The following GZMK variants were observed in gnomAD, a reference collection of about 807,000 sequenced individuals.
GZMK encodes granzyme K.
GZMK carries 18 observed loss-of-function variants against 22.8 expected under a neutral mutation model. That is an observed-to-expected ratio of 0.79 (90% CI 0.54 to 1.17). GZMK has a LOEUF of 1.17. Ranked by LOEUF, GZMK falls within the 50% of genes most tolerant of loss-of-function variation. GZMK has a pLI of 0.00. For missense variants in GZMK, 342 were observed against 320.2 expected (o/e 1.07, Z -0.52); for synonymous variants, 136 against 115.0 (o/e 1.18, Z -1.17).
intron 2 of GZMK, 111 bp from the exon 3 acceptor site, chr5:55,030,323 C>G: frequency 1.0e-6 from 1 of 958,092 alleles, no homozygotes; most frequent in East Asian, 2.4e-5. Flanking sequence ...GGCAGGTTAC[C>G]TTGGAGATAG....
rs1210430721 is a variant in GZMK at position 55,030,527 on chromosome 5, T to C, written c.306T>C (p.Phe102=). 1 of 1,612,380 alleles carries C rather than the reference T, an allele frequency of 6.2e-7. No individual in the cohort carries two copies. Among genetic ancestry groups the C allele is most frequent in the Non-Finnish European group, 8.5e-7 (1 of 1,178,350 alleles). Residue 102 remains phenylalanine, a synonymous_variant, in exon 3 of 5, where the codon TTT becomes TTC. Coordinates refer to ENST00000231009, the MANE Select transcript of GZMK (RefSeq NM_002104.3). ...AACAAACACTGGAGATCAAAAAATT[T>C]ATACCATTCTCAAGAGTTACATCAG... ...ASKQTLEIKK[F]IPFSRVTSDP...
rs1741219175 is a variant in GZMK, at chr5:55,030,911, C to T, written c.363+327C>T. Among the ~76,000 whole-genome samples the T allele has an allele frequency of 2.0e-5, 3 of 152,160 alleles. No individual in the cohort carries two copies. The South Asian group carries it at 6.2e-4, about 32-fold the overall frequency. On this transcript the variant is annotated intron_variant, in intron 3 of 4. Transcript: ENST00000231009. The stretch of plus-strand genomic sequence containing the variant: ...TTTCTCATTAGCAAGTAAAAAAATA[C>T]AACAGTTGTTTATACAACAGAGCCA...
chr5:55,027,491 G>C (rs912923720), intron 2 of GZMK: 1 of 152,510 alleles, frequency 6.6e-6, no homozygotes, highest in Non-Finnish European at 1.5e-5. Context: ...AAGGGGGTTG[G>C]CACGGGGTTC....
chr5:55,033,635 A>G lies in GZMK; in HGVS notation c.634-130A>G, dbSNP rs755612851. ...TATAACGAGTAAGAGGCAGTGTCAG[A>G]CACTCTTCTGGACATAAAGAAAGCA... On this transcript the variant is annotated intron_variant, in intron 4 of 4. Transcript: ENST00000231009. The G allele has an allele frequency of 1.3e-5, 8 of 638,334 alleles. No homozygotes were observed. In the East Asian group the frequency reaches 2.0e-4, roughly 16 times the overall value. The allele number at this position is 638,334 out of a possible 1,614,324, so 39.5% of individuals were successfully genotyped here.
At chr5:55,028,215 T>C (rs1234024866) in intron 2 of GZMK, 1 of 152,230 alleles carries the variant, frequency 6.6e-6, no homozygotes, top group Non-Finnish European at 1.5e-5. Context: ...CTCTCATTTG[T>C]ACCTCATAGC....
intron 2 of GZMK, among the ~76,000 whole-genome samples, chr5:55,026,113 A>G (rs1328255124): frequency 6.6e-6 from 1 of 152,236 alleles, no homozygotes; most frequent in African/African-American, 2.4e-5. Context: ...TACACATTCA[A>G]ATGGTCTATA....
intron 2 of GZMK, chr5:55,028,350 A>T (rs922296477): frequency 6.6e-6 from 1 of 152,208 alleles, no homozygotes; most frequent in Non-Finnish European, 1.5e-5. Context: ...TTTGAATTCA[A>T]ATCAATCCTA....
Position 55,033,798 on chromosome 5 carries a change from G to T in GZMK, c.667G>T (p.Val223Phe). The change falls in exon 5 of 5, where the codon GTC becomes TTC. Residue 223 changes from valine to phenylalanine, a missense_variant. Val to Phe is a conservative substitution (Grantham distance 50, BLOSUM62 -1). Transcript: ENST00000231009. The part of the protein sequence containing the change: ...DSGGPLICKG[V>F]FHAIVSGGHE... The stretch of plus-strand genomic sequence containing the variant: ...AGGGGGCCCCTTGATCTGTAAAGGT[G>T]TCTTCCACGCTATAGTCTCTGGAGG... The T allele has an allele frequency of 6.2e-7, 1 of 1,613,364 alleles. No individual in the cohort carries two copies.
intron 3 of GZMK, 28 bp downstream of exon 3, chr5:55,030,612 T>C: frequency 1.3e-6 from 2 of 1,581,512 alleles, no homozygotes; most frequent in Non-Finnish European, 1.7e-6. Context: ...CTTCCTTCTA[T>C]TTTGTCAACA....
At chr5:55,025,343 C>T (rs771467876) in intron 2 of GZMK, among the ~76,000 whole-genome samples, 1 of 152,126 alleles carries the variant, frequency 6.6e-6, no homozygotes, top group African/African-American at 2.4e-5. Flanking sequence ...ACAGTAGCTA[C>T]CTAACAGTAG....
At chr5:55,031,744 A>G (rs1741238646) in intron 4 of GZMK, 111 bp downstream of exon 4, 2 of 760,184 alleles carry the variant, frequency 2.6e-6, no homozygotes, top group Admixed American at 2.6e-5. Flanking sequence ...CAAAACCACA[A>G]TTCTAAACAC....
intron 2 of GZMK, among the ~76,000 whole-genome samples, chr5:55,027,333 G>A (rs746924233): frequency 1.2e-4 from 19 of 152,292 alleles, no homozygotes; most frequent in Non-Finnish European, 1.2e-4. Flanking sequence ...CTCCCTCTCT[G>A]ACAGCCAAGT....
Position 55,034,122 on chromosome 5 carries a change from T to G in GZMK, c.*196T>G. The G allele has an allele frequency of 1.9e-6, 1 of 518,970 alleles. No individual in the cohort carries two copies. Among genetic ancestry groups the G allele is most frequent in the South Asian group, 3.0e-5 (1 of 33,536 alleles). 32.1% of individuals were successfully genotyped at this position (518,970 alleles called of 1,614,324 possible). ...ATGCTGGTTTTATTCTAAATAAAAT[T>G]TAGAAGACTCTCTGTTTGTCTTTTA... is the stretch of plus-strand genomic sequence containing the variant. On this transcript the variant is annotated 3_prime_UTR_variant, in exon 5 of 5. Coordinates refer to ENST00000231009, the MANE Select transcript of GZMK (RefSeq NM_002104.3).
At chr5:55,029,249 T>G (rs187220612) in intron 2 of GZMK, among the ~76,000 whole-genome samples, 445 of 151,676 alleles carry the variant, frequency 2.9e-3, no homozygotes, top group Middle Eastern at 0.017. Context: ...AAAAAAACGT[T>G]AAAAAAGAAA....
In GZMK at chr5:55,024,656, G is replaced by T; in HGVS notation, c.65-4G>T. 1.9e-6 allele frequency: 3 copies of T among 1,597,660 alleles called. No individual in the cohort carries two copies. The highest frequency in any genetic ancestry group is 2.6e-6 in the Non-Finnish European group (3 of 1,167,264). ...GTGTGAAACCTTTTGGTCTACTTTTGTAGGTTTCAATATGGAAATTATTGG... is the reference window on the plus strand; with the variant it reads ...GTGTGAAACCTTTTGGTCTACTTTTTTAGGTTTCAATATGGAAATTATTGG... On this transcript the variant is annotated splice_region_variant and splice_polypyrimidine_tract_variant and intron_variant, in intron 1 of 4. Transcript: ENST00000231009.
At chr5:55,028,690 T>C (rs1012482224) in intron 2 of GZMK, 8 of 152,220 alleles carry the variant, frequency 5.3e-5, no homozygotes, top group Admixed American at 5.2e-4. Flanking sequence ...CTTTTCCAAG[T>C]AGCAAAGAAA....
intron 2 of GZMK, 126 bp downstream of exon 2, chr5:55,024,933 T>A (rs1057147677): frequency 1.8e-5 from 10 of 568,868 alleles, no homozygotes; most frequent in African/African-American, 7.5e-5. Context: ...GACCAACTGG[T>A]GGCGTTTATT....
intron 4 of GZMK, chr5:55,032,594 T>C (rs1741250881): frequency 6.6e-6 from 1 of 152,154 alleles, no homozygotes; most frequent in Non-Finnish European, 1.5e-5. Context: ...TAGCCAGGTG[T>C]GGTGGCACAC....
In GZMK at chr5:55,033,917, T is replaced by G. The variant is rs199899740; in HGVS notation, c.786T>G (p.His262Gln). 1 of 1,599,336 alleles carries G rather than the reference T, an allele frequency of 6.3e-7. No individual in the cohort carries two copies. The highest frequency in any genetic ancestry group is 2.2e-5 in the East Asian group (1 of 44,824). The change falls in exon 5 of 5, where the codon CAT becomes CAG. Residue 262 changes from histidine to glutamine, a missense_variant. Coordinates refer to ENST00000231009, the MANE Select transcript of GZMK (RefSeq NM_002104.3). Reference protein sequence around the residue: ...TWIKSNLVPPHTN With the variant: ...TWIKSNLVPPQTN ...TCAAAAGCAACCTTGTCCCGCCTCA[T>G]ACAAATTAAGTTACAAATAATTTTA... is the stretch of plus-strand genomic sequence containing the variant.
Sources: gnomAD v4.1 joint callset for allele counts (sites outside exome capture counted in the v4.1 genomes callset) on GRCh38, gnomAD v4.1.1 for gene constraint, MANE v1.5 for transcripts, NCBI Gene and HGNC (gene_info 2026-07-23, HGNC 2026-07-21) for gene names.